TBC1D5: variants seen among roughly 807,000 people sequenced by gnomAD.
The protein encoded by TBC1D5 is TBC1 domain family, member 5.
In TBC1D5, 75 loss-of-function variants were observed where a neutral mutation model predicts 100.3. The ratio of observed to expected loss-of-function variants is 0.75; its 90% CI spans 0.62 to 0.91. The LOEUF (loss-of-function observed/expected upper bound fraction) is 0.91, where lower values mean the gene tolerates loss of function less well. Among genes scored for constraint, TBC1D5 ranks in the 40% least tolerant of loss-of-function variants. The probability of loss-of-function intolerance (pLI) is 0.00; values close to 1 mark genes in which losing one functional copy is unlikely to be tolerated. For missense variants in TBC1D5, 910 were observed against 942.4 expected, an observed-to-expected ratio of 0.97 and a Z score of 0.45; for synonymous variants, 323 against 325.6, an observed-to-expected ratio of 0.99 and a Z score of 0.09.
intron 16 of TBC1D5, among the ~76,000 whole-genome samples, chr3:17,239,197 C>G (rs2076113369): frequency 6.6e-6 from 1 of 152,088 alleles, no homozygotes; most frequent in African/African-American, 2.4e-5. Context: ...ATCATAGGTA[C>G]TTTATTAATA....
At chr3:17,230,559 A>C (rs1039785216) in intron 17 of TBC1D5, among the ~76,000 whole-genome samples, 2 of 152,102 alleles carry the variant, frequency 1.3e-5, no homozygotes, top group Non-Finnish European at 2.9e-5. Flanking sequence ...TACCTTAAGA[A>C]TATCAACAGT....
intron 2 of TBC1D5, among the ~76,000 whole-genome samples, chr3:17,592,190 G>T (rs1287087808): frequency 6.6e-6 from 1 of 152,174 alleles, no homozygotes; most frequent in Non-Finnish European, 1.5e-5. Context: ...ATACTCAGGG[G>T]TATATCAACT....
chr3:17,480,285 GGTGGCAGAAA>G (rs2150309318), intron 3 of TBC1D5, among the ~76,000 whole-genome samples: 1 of 152,298 alleles, frequency 6.6e-6, no homozygotes, highest in African/African-American at 2.4e-5. Flanking sequence ...ACATGCTGAT[GGTGGCAGAAA>G]GCAGACAGGC....
At chr3:17,641,797 T>C (rs1259897711) in intron 1 of TBC1D5, among the ~76,000 whole-genome samples, 2 of 152,200 alleles carry the variant, frequency 1.3e-5, no homozygotes, top group Non-Finnish European at 2.9e-5. Flanking sequence ...ATGCAGTGCC[T>C]TACTATTGCT....
At chr3:17,246,490 T>C (rs1270111964) in intron 16 of TBC1D5, among the ~76,000 whole-genome samples, 1 of 152,182 alleles carries the variant, frequency 6.6e-6, no homozygotes, top group Non-Finnish European at 1.5e-5. Flanking sequence ...AGAACAAAGT[T>C]GGAGGACTCA....
At chr3:17,173,503 T>C (rs1424773307) in intron 19 of TBC1D5, among the ~76,000 whole-genome samples, 3 of 152,184 alleles carry the variant, frequency 2.0e-5, no homozygotes, top group Non-Finnish European at 4.4e-5. Context: ...TTGATGACCC[T>C]GAGATATGAT....
chr3:17,401,809 C>T (rs1320566074), intron 8 of TBC1D5, among the ~76,000 whole-genome samples: 2 of 145,436 alleles, frequency 1.4e-5, no homozygotes, highest in Non-Finnish European at 2.9e-5. Context: ...ATATATACTG[C>T]ACATTTTGTT....
chr3:17,361,460 T>A (rs2091702265), intron 13 of TBC1D5, among the ~76,000 whole-genome samples: 1 of 151,964 alleles, frequency 6.6e-6, no homozygotes, highest in South Asian at 2.1e-4. Context: ...TCAACAATAG[T>A]AGAATAAACA....
intron 1 of TBC1D5, among the ~76,000 whole-genome samples, chr3:17,644,979 A>G (rs1473492691): frequency 6.6e-6 from 1 of 152,152 alleles, no homozygotes; most frequent in African/African-American, 2.4e-5. Flanking sequence ...CATGGCCATG[A>G]GCAAGATTTT....
At chr3:17,567,269 A>C (rs1296704069) in intron 2 of TBC1D5, among the ~76,000 whole-genome samples, 1 of 151,816 alleles carries the variant, frequency 6.6e-6, no homozygotes, top group Non-Finnish European at 1.5e-5. Context: ...AATGTTTCAC[A>C]GTCCTTATTT....
intron 3 of TBC1D5, among the ~76,000 whole-genome samples, chr3:17,506,779 A>C (rs1219514525): frequency 6.6e-6 from 1 of 152,184 alleles, no homozygotes; most frequent in Non-Finnish European, 1.5e-5. Flanking sequence ...TAAAAAAAAA[A>C]ACCTCAGTAT....
intron 13 of TBC1D5, among the ~76,000 whole-genome samples, chr3:17,311,811 A>T (rs983039512): frequency 2.0e-5 from 3 of 152,126 alleles, no homozygotes; most frequent in African/African-American, 4.8e-5. Flanking sequence ...GGGCATCTTG[A>T]GTAACCTGTG....
chr3:17,420,137 A>G (rs2094174196), intron 4 of TBC1D5, among the ~76,000 whole-genome samples: 1 of 152,114 alleles, frequency 6.6e-6, no homozygotes, highest in Non-Finnish European at 1.5e-5. Context: ...GGTTTAGCAC[A>G]CTGGTTTGTC....
At chr3:17,266,883 T>C (rs974039217) in intron 15 of TBC1D5, among the ~76,000 whole-genome samples, 7 of 151,678 alleles carry the variant, frequency 4.6e-5, no homozygotes, top group Non-Finnish European at 1.0e-4. Context: ...TATGCATCTA[T>C]AGAGTAAACC....
intron 13 of TBC1D5, among the ~76,000 whole-genome samples, chr3:17,312,100 T>A (rs2084094952): frequency 6.6e-6 from 1 of 152,068 alleles, no homozygotes; most frequent in East Asian, 1.9e-4. Flanking sequence ...TCAGTTCTTT[T>A]GAAATTAATA....
At chr3:17,725,628 CA>C (rs1456400087) in intron 1 of TBC1D5, among the ~76,000 whole-genome samples, 2 of 152,150 alleles carry the variant, frequency 1.3e-5, no homozygotes, top group African/African-American at 2.4e-5. Flanking sequence ...CAGAATGTGG[CA>C]AATGTCCTCA....
intron 14 of TBC1D5, among the ~76,000 whole-genome samples, chr3:17,296,285 C>A (rs1255630493): frequency 6.6e-6 from 1 of 152,190 alleles, no homozygotes; most frequent in Non-Finnish European, 1.5e-5. Flanking sequence ...TTGTACTTGA[C>A]TGAAAACAAA....
At chr3:17,266,531 T>C (rs762902912) in intron 15 of TBC1D5, among the ~76,000 whole-genome samples, 2 of 152,174 alleles carry the variant, frequency 1.3e-5, no homozygotes, top group African/African-American at 2.4e-5. Flanking sequence ...CACTTTTCTT[T>C]AACAGCCTTA....
chr3:17,161,095 G>C, exon 22 of TBC1D5: 1 of 1,614,222 alleles, frequency 6.2e-7, no homozygotes, highest in Non-Finnish European at 8.5e-7. Context: ...GTGGGGAGCA[G>C]ACTGGGGCCT....
Sources: gnomAD v4.1 joint callset for allele counts (sites outside exome capture counted in the v4.1 genomes callset) on GRCh38, gnomAD v4.1.1 for gene constraint, MANE v1.5 for transcripts, NCBI Gene and HGNC (gene_info 2026-07-23, HGNC 2026-07-21) for gene names.